CREM: variants seen among roughly 807,000 people sequenced by gnomAD.
CREM encodes cAMP-responsive element modulator.
CREM carries 13 observed loss-of-function variants against 37.3 expected under a neutral mutation model. That is an observed-to-expected ratio of 0.35 (90% CI 0.23 to 0.55). CREM has a LOEUF of 0.55. CREM is among the 20% of genes least tolerant of loss of function. The probability of loss-of-function intolerance (pLI) is 0.88; values close to 1 mark genes in which losing one functional copy is unlikely to be tolerated. For missense variants in CREM, 296 were observed against 362.3 expected (o/e 0.82, Z 1.49); for synonymous variants, 124 against 120.2 (o/e 1.03, Z -0.21).
intron 3 of CREM, among the ~76,000 whole-genome samples, chr10:35,172,712 C>G (rs1360297872): frequency 6.6e-6 from 1 of 152,036 alleles, no homozygotes; most frequent in African/African-American, 2.4e-5. Context: ...AGAAAGCACC[C>G]CCCCGCTGCG....
intron 5 of CREM, among the ~76,000 whole-genome samples, chr10:35,184,829 T>C (rs1035809323): frequency 2.0e-5 from 3 of 152,116 alleles, no homozygotes; most frequent in African/African-American, 7.2e-5. Flanking sequence ...TAAAGGTCTT[T>C]GTTATCTACC....
At chr10:35,158,977 AC>A (rs2093121492) in intron 3 of CREM, among the ~76,000 whole-genome samples, 1 of 151,606 alleles carries the variant, frequency 6.6e-6, no homozygotes, top group Admixed American at 6.6e-5. Flanking sequence ...ATTAAACAAA[AC>A]CAATTTTTTT....
At chr10:35,197,464 A>ATTTATTTATTTG (rs1304613887) in intron 6 of CREM, among the ~76,000 whole-genome samples, 1 of 124,890 alleles carries the variant, frequency 8.0e-6, no homozygotes, top group African/African-American at 3.1e-5. Context: ...TTATTTATTT[A>ATTTATTTATTTG]TTTTATGAGA....
At chr10:35,176,695 C>T (rs1057255878) in intron 3 of CREM, among the ~76,000 whole-genome samples, 2 of 151,770 alleles carry the variant, frequency 1.3e-5, no homozygotes, top group Non-Finnish European at 2.9e-5. Flanking sequence ...AGGCGTGAGC[C>T]ACTGCGCCCA....
At chr10:35,204,394 G>A (rs1035142028) in intron 6 of CREM, among the ~76,000 whole-genome samples, 1 of 152,102 alleles carries the variant, frequency 6.6e-6, no homozygotes, top group Admixed American at 6.6e-5. Flanking sequence ...GAGGTCGGGA[G>A]ATCAAGACCA....
chr10:35,207,891 C>G (rs1342532133), intron 7 of CREM, among the ~76,000 whole-genome samples: 1 of 152,166 alleles, frequency 6.6e-6, no homozygotes, highest in East Asian at 1.9e-4. Flanking sequence ...GAATTCCTGG[C>G]TGTTAAACTA....
At chr10:35,164,585 C>T (rs1057247485) in intron 3 of CREM, among the ~76,000 whole-genome samples, 1 of 152,198 alleles carries the variant, frequency 6.6e-6, no homozygotes, top group South Asian at 2.1e-4. Context: ...AAAATATAAT[C>T]TGTAACTATT....
In CREM at chr10:35,206,109, G is replaced by A. The variant is rs569018883; in HGVS notation, c.599-786G>A. Among the ~76,000 whole-genome samples, 353 of 152,048 alleles carry A rather than the reference G, an allele frequency of 2.3e-3. 5 individuals are homozygous for A. The highest frequency in any genetic ancestry group is 3.2e-3 in the Admixed American group (49 of 15,258). On this transcript the variant is annotated intron_variant, in intron 6 of 7. Transcript: ENST00000685392. Reference sequence around the variant, plus strand: ...TAAAAATACAAAAAATTAGCCAGGCGTGGTGGCAGGCGCCTGTAGTCCCAG... The same window carrying A: ...TAAAAATACAAAAAATTAGCCAGGCATGGTGGCAGGCGCCTGTAGTCCCAG...
At chr10:35,155,328 G>A (rs2092828041) in intron 3 of CREM, among the ~76,000 whole-genome samples, 1 of 152,066 alleles carries the variant, frequency 6.6e-6, no homozygotes, top group South Asian at 2.1e-4. Flanking sequence ...TTTTCTGTAT[G>A]ATTTTCTTTA....
chr10:35,166,614 A>G (rs1202338056), intron 3 of CREM, among the ~76,000 whole-genome samples: 1 of 151,588 alleles, frequency 6.6e-6, no homozygotes, highest in Non-Finnish European at 1.5e-5. Context: ...CTGTAATCCC[A>G]GCCACTCGGG....
chr10:35,199,682 C>T (rs763862158), intron 6 of CREM, among the ~76,000 whole-genome samples: 1 of 152,084 alleles, frequency 6.6e-6, no homozygotes, highest in Non-Finnish European at 1.5e-5. Flanking sequence ...TAAATGACTT[C>T]CAAGTTTACA....
chr10:35,179,174 C>G lies in CREM; in HGVS notation c.307C>G (p.Pro103Ala), dbSNP rs758564669. 6.2e-7 allele frequency: 1 copy of G among 1,613,786 alleles called. No homozygotes were observed. The highest frequency in any genetic ancestry group is 1.1e-5 in the South Asian group (1 of 91,026). The change falls in exon 5 of 8, where the codon CCC becomes GCC. Residue 103 changes from proline to alanine, a missense_variant. Pro to Ala is a conservative substitution (Grantham distance 27, BLOSUM62 -1). This residue lies in a region of CREM where 257 missense variants were observed against 280.2 expected (regional missense o/e 0.92). Coordinates refer to ENST00000685392, the MANE Select transcript of CREM (RefSeq NM_183011.2). ...NELSSDVPGV[P>A]KIEEERSEEE... ...ACTGTCCTCTGATGTGCCTGGTGTT[C>G]CCAAGATTGAAGAAGAGAGATCAGA... is the stretch of plus-strand genomic sequence containing the variant.
intron 5 of CREM, among the ~76,000 whole-genome samples, chr10:35,180,760 G>C (rs1427663893): frequency 6.6e-6 from 1 of 152,194 alleles, no homozygotes; most frequent in African/African-American, 2.4e-5. Flanking sequence ...CAGCTGATGA[G>C]CCTCTACAGC....
intron 5 of CREM, among the ~76,000 whole-genome samples, chr10:35,187,721 C>T (rs1564925201): frequency 6.6e-6 from 1 of 151,756 alleles, no homozygotes; most frequent in South Asian, 2.1e-4. Flanking sequence ...CCCAGGCTGG[C>T]CTTGAACTCC....
At chr10:35,150,767 G>A (rs1454006195) in intron 3 of CREM, among the ~76,000 whole-genome samples, 2 of 152,106 alleles carry the variant, frequency 1.3e-5, no homozygotes, top group Non-Finnish European at 2.9e-5. Flanking sequence ...GTTGCAGTGA[G>A]CCAAGTTGGA....
intron 3 of CREM, among the ~76,000 whole-genome samples, chr10:35,152,577 C>G (rs1330846521): frequency 3.3e-5 from 5 of 152,142 alleles, no homozygotes. Flanking sequence ...TCTTGGCTTT[C>G]TTCTTGCCTA....
intron 5 of CREM, among the ~76,000 whole-genome samples, chr10:35,185,886 C>T (rs1015333898): frequency 6.6e-6 from 1 of 152,220 alleles, no homozygotes; most frequent in African/African-American, 2.4e-5. Flanking sequence ...ATCTATCTTC[C>T]TGTGTAGACA....
At chr10:35,204,596 C>CAAAA (rs397845623) in intron 6 of CREM, among the ~76,000 whole-genome samples, 2 of 89,500 alleles carry the variant, frequency 2.2e-5, no homozygotes, top group African/African-American at 4.7e-5. Flanking sequence ...AACTACGTCT[C>CAAAA]AAAAAAAAAA....
At chr10:35,171,060 G>A (rs920887186) in intron 3 of CREM, 1 of 149,978 alleles carries the variant, frequency 6.7e-6, no homozygotes, top group South Asian at 2.1e-4. Context: ...AAGTTTCCTT[G>A]TAGTTACAGA....
Sources: gnomAD v4.1 joint callset for allele counts (sites outside exome capture counted in the v4.1 genomes callset) on GRCh38, gnomAD v4.1.1 for gene constraint, gnomAD v4.1.1 regional missense constraint, MANE v1.5 for transcripts, NCBI Gene and HGNC (gene_info 2026-07-23, HGNC 2026-07-21) for gene names.